Variants in TMC7 observed in about 807,000 individuals in gnomAD.
TMC7 encodes the protein transmembrane channel-like protein 7.
Under a neutral mutation model 82.9 loss-of-function variants are expected in TMC7, and 54 were observed. The ratio of observed to expected loss-of-function variants is 0.65; its 90% CI spans 0.52 to 0.82. TMC7 has a LOEUF of 0.82. Ranked by LOEUF, TMC7 falls within the 40% of genes least tolerant of loss-of-function variation. The pLI, the probability that TMC7 is intolerant of heterozygous loss-of-function variation, is 0.00. For synonymous variants in TMC7, 350 were observed against 337.9 expected (o/e 1.04, Z -0.39); for missense variants, 820 against 901.2 (o/e 0.91, Z 1.15).
intron 3 of TMC7, among the ~76,000 whole-genome samples, chr16:19,019,677 C>T (rs371495521): frequency 1.4e-4 from 22 of 152,260 alleles, no homozygotes; most frequent in African/African-American, 5.3e-4. Flanking sequence ...GTTTTAGCCA[C>T]TATGTCTAGC....
At chr16:18,985,943 G>A (rs940380843) in intron 1 of TMC7, among the ~76,000 whole-genome samples, 4 of 151,826 alleles carry the variant, frequency 2.6e-5, no homozygotes, top group African/African-American at 9.7e-5. Flanking sequence ...TGAGGCAGGA[G>A]GATCACTTGA....
At chr16:19,015,227 G>A (rs1248518465) in intron 2 of TMC7, among the ~76,000 whole-genome samples, 3 of 151,474 alleles carry the variant, frequency 2.0e-5, no homozygotes, top group African/African-American at 4.9e-5. Flanking sequence ...GCCTCCCAAA[G>A]TGATGGGATT....
In TMC7 at chr16:19,035,678, C is replaced by A. The variant is rs779355742; in HGVS notation, c.860C>A (p.Ser287Ter). The change falls in exon 7 of 16, where the codon TCG (serine) becomes TAG (stop). Residue 287 changes from serine to a stop codon, truncating the protein, a stop_gained and splice_region_variant. Transcript: ENST00000304381. LOFTEE classifies it high-confidence loss of function. Reference sequence around the variant, plus strand: ...GGATGATTGTGTTTTGGGGTCAGGTCGGTGGAAGGATTCAAAATCAACCTG... The same window carrying A: ...GGATGATTGTGTTTTGGGGTCAGGTAGGTGGAAGGATTCAAAATCAACCTG... ...ALSLLWIVKR[S>*]VEGFKINLIR... The A allele has an allele frequency of 6.2e-7, 1 of 1,614,066 alleles. No homozygotes were observed. The highest frequency in any genetic ancestry group is 8.5e-7 in the Non-Finnish European group (1 of 1,180,004).
intron 1 of TMC7, among the ~76,000 whole-genome samples, chr16:18,999,737 A>C (rs147076939): frequency 3.5e-3 from 533 of 151,272 alleles, no homozygotes; most frequent in Admixed American, 6.1e-3. Flanking sequence ...AGCAGCTTCA[A>C]CTAGAGTCTG....
Position 18,995,171 on chromosome 16 carries a change from G to A in TMC7, c.67+11041G>A, listed in dbSNP as rs1347135245. On this transcript the variant is annotated intron_variant, in intron 1 of 15. Coordinates refer to ENST00000304381, the MANE Select transcript of TMC7 (RefSeq NM_024847.4). ...ACATTAAAGAATGTTGTCCAAGTTGGCACCAGAGTTGGGGAGTTTTAAGAG... is the reference window on the plus strand; with the variant it reads ...ACATTAAAGAATGTTGTCCAAGTTGACACCAGAGTTGGGGAGTTTTAAGAG... Among the ~76,000 whole-genome samples, 3 of 152,280 alleles carry A rather than the reference G, an allele frequency of 2.0e-5. No individual in the cohort carries two copies. In the East Asian group the frequency reaches 5.8e-4, roughly 29 times the overall value.
At chr16:19,013,111 G>A (rs187800025) in intron 2 of TMC7, among the ~76,000 whole-genome samples, 4 of 150,136 alleles carry the variant, frequency 2.7e-5, no homozygotes, top group Admixed American at 6.7e-5. Flanking sequence ...CCACCGCACC[G>A]GGCCAGGAAG....
intron 1 of TMC7, among the ~76,000 whole-genome samples, chr16:18,986,844 G>A (rs956857385): frequency 6.0e-5 from 9 of 150,608 alleles, no homozygotes; most frequent in African/African-American, 1.5e-4. Context: ...TTACTCTGTC[G>A]CCCAGGCTGA....
chr16:19,059,120 C>T (rs112276443), intron 14 of TMC7, among the ~76,000 whole-genome samples: 8,200 of 152,120 alleles, frequency 0.054, 286 homozygotes, highest in South Asian at 0.13. Context: ...TCAGGTGATC[C>T]GCCTGCCTCG....
At chr16:19,050,691 G>A (rs1398414817) in intron 12 of TMC7, among the ~76,000 whole-genome samples, 5 of 151,986 alleles carry the variant, frequency 3.3e-5, no homozygotes, top group African/African-American at 1.2e-4. Context: ...AATAGAGATG[G>A]GGTTTCACCA....
chr16:19,013,610 C>T (rs73526789), intron 2 of TMC7, among the ~76,000 whole-genome samples: 29 of 152,060 alleles, frequency 1.9e-4, no homozygotes, highest in African/African-American at 3.6e-4. Flanking sequence ...CTCTGCCTCG[C>T]GGGTTTCAGC....
At chr16:19,030,962 A>G (rs1443061587) in intron 6 of TMC7, among the ~76,000 whole-genome samples, 1 of 152,022 alleles carries the variant, frequency 6.6e-6, no homozygotes, top group East Asian at 1.9e-4. Context: ...TGTGTATATT[A>G]ACTAGGTCTC....
At chr16:18,993,184 G>A (rs1388896785) in intron 1 of TMC7, among the ~76,000 whole-genome samples, 1 of 152,168 alleles carries the variant, frequency 6.6e-6, no homozygotes, top group Non-Finnish European at 1.5e-5. Context: ...GAACAAGAGT[G>A]AGTATAAAAG....
At chr16:19,011,598 T>G (rs1959352371) in intron 2 of TMC7, among the ~76,000 whole-genome samples, 1 of 151,834 alleles carries the variant, frequency 6.6e-6, no homozygotes, top group Non-Finnish European at 1.5e-5. Flanking sequence ...GTGCCTATAG[T>G]CCCAGCTGCT....
At chr16:19,006,684 C>T (rs953697500) in intron 1 of TMC7, among the ~76,000 whole-genome samples, 3 of 152,222 alleles carry the variant, frequency 2.0e-5, no homozygotes, top group Admixed American at 6.5e-5. Flanking sequence ...TGATTCTGTG[C>T]ATCAGGGACG....
chr16:19,023,224 G>A, intron 5 of TMC7, 29 bp downstream of exon 5: 1 of 1,433,128 alleles, frequency 7.0e-7, no homozygotes, highest in Non-Finnish European at 9.7e-7. Flanking sequence ...CCTTTGTTTA[G>A]CTCCTCAATC....
chr16:18,996,348 G>A (rs976206650), intron 1 of TMC7, among the ~76,000 whole-genome samples: 1 of 152,066 alleles, frequency 6.6e-6, no homozygotes, highest in Non-Finnish European at 1.5e-5. Context: ...ACTAGGGAGG[G>A]AGCAATGTGT....
chr16:19,049,277 G>C (rs372444454), intron 12 of TMC7, among the ~76,000 whole-genome samples: 6 of 152,268 alleles, frequency 3.9e-5, no homozygotes, highest in Non-Finnish European at 8.8e-5. Context: ...GCCTGCCTTG[G>C]CCTCCCAAAG....
chr16:19,048,322 C>G (rs553691066), intron 12 of TMC7, among the ~76,000 whole-genome samples: 14 of 152,034 alleles, frequency 9.2e-5, no homozygotes, highest in African/African-American at 3.4e-4. Flanking sequence ...AGACCCTGGG[C>G]GGTTCACAGT....
At chr16:19,002,537 C>T (rs376530836) in intron 1 of TMC7, among the ~76,000 whole-genome samples, 30 of 152,220 alleles carry the variant, frequency 2.0e-4, no homozygotes, top group African/African-American at 6.7e-4. Context: ...GTGCCCAGCC[C>T]GGATGGAGGG....
Sources: gnomAD v4.1 joint callset for allele counts (sites outside exome capture counted in the v4.1 genomes callset) on GRCh38, gnomAD v4.1.1 for gene constraint, MANE v1.5 for transcripts, NCBI Gene and HGNC (gene_info 2026-07-23, HGNC 2026-07-21) for gene names.